ERBB4: variants seen among roughly 807,000 people sequenced by gnomAD.
ERBB4 encodes the protein receptor tyrosine-protein kinase erbB-4.
A neutral mutation model predicts 158.0 loss-of-function variants in ERBB4; 42 were observed. That is an observed-to-expected ratio of 0.27 (90% CI 0.21 to 0.34). ERBB4 has a LOEUF of 0.34. ERBB4 is among the 10% of genes least tolerant of loss of function. ERBB4 has a pLI of 1.00. For synonymous variants in ERBB4, 583 were observed against 558.7 expected (o/e 1.04, Z -0.61); for missense variants, 1,333 against 1,624.1 (o/e 0.82, Z 3.08).
rs71397161 is a variant in ERBB4 at position 212,147,157 on chromosome 2, A to ATTTTTTTTTTTTTTTTT, written c.83-22271_83-22255dup. ...AGGGGCATGCCACCATGCCCAGCTA[A>ATTTTTTTTTTTTTTTTT]TTTTTTTTTTTTTTTTTTTTTTTTT... is the stretch of plus-strand genomic sequence containing the variant. On this transcript the variant is annotated intron_variant, in intron 1 of 27. Coordinates refer to ENST00000342788, the MANE Select transcript of ERBB4 (RefSeq NM_005235.3). Among the ~76,000 whole-genome samples, 3 of 34,260 alleles carry ATTTTTTTTTTTTTTTTT rather than the reference A, an allele frequency of 8.8e-5. 1 individual carries two copies. The highest frequency in any genetic ancestry group is 3.2e-4 in the Admixed American group (1 of 3,086). 22.5% of individuals were successfully genotyped at this position (34,260 alleles called of 152,430 possible).
chr2:212,367,640 G>C (rs1367344694), intron 1 of ERBB4, among the ~76,000 whole-genome samples: 1 of 152,030 alleles, frequency 6.6e-6, no homozygotes, highest in Non-Finnish European at 1.5e-5. Context: ...AGTCAGCAGA[G>C]AAAACAGACA....
At chr2:211,800,772 A>C (rs538013296) in intron 3 of ERBB4, among the ~76,000 whole-genome samples, 3 of 152,228 alleles carry the variant, frequency 2.0e-5, no homozygotes, top group African/African-American at 7.2e-5. Context: ...ATGCAGAGGA[A>C]AAGGCAGCAC....
chr2:211,921,213 C>T (rs899113837), intron 3 of ERBB4, among the ~76,000 whole-genome samples: 2 of 152,128 alleles, frequency 1.3e-5, no homozygotes, highest in Non-Finnish European at 1.5e-5. Flanking sequence ...GATTGAGCTT[C>T]AGTTGTAACA....
intron 1 of ERBB4, among the ~76,000 whole-genome samples, chr2:212,380,321 G>C (rs1337654337): frequency 2.0e-5 from 3 of 151,260 alleles, no homozygotes; most frequent in Non-Finnish European, 4.4e-5. Flanking sequence ...CATTGTATTA[G>C]GTATTACTAG....
intron 5 of ERBB4, among the ~76,000 whole-genome samples, chr2:211,748,940 C>T (rs1202228448): frequency 6.6e-6 from 1 of 152,172 alleles, no homozygotes; most frequent in Non-Finnish European, 1.5e-5. Flanking sequence ...GCCTCCAATT[C>T]TTTGCTATTA....
chr2:212,135,568 A>G (rs2080247141), intron 1 of ERBB4, among the ~76,000 whole-genome samples: 1 of 152,190 alleles, frequency 6.6e-6, no homozygotes, highest in South Asian at 2.1e-4. Flanking sequence ...TGTTGAAAAT[A>G]GGAAAAACAG....
intron 2 of ERBB4, among the ~76,000 whole-genome samples, chr2:212,013,548 G>T (rs762714290): frequency 3.5e-4 from 54 of 152,166 alleles, no homozygotes; most frequent in Admixed American, 2.4e-3. Flanking sequence ...TTAAGATAAG[G>T]TTACAGAGGG....
chr2:211,893,011 A>G lies in ERBB4; in HGVS notation c.421+54419T>C, dbSNP rs1018752921. Among the ~76,000 whole-genome samples the G allele has an allele frequency of 2.0e-4, 29 of 148,178 alleles. 2 individuals are homozygous for G. Among genetic ancestry groups the G allele is most frequent in the African/African-American group, 7.5e-4 (29 of 38,872 alleles). On this transcript the variant is annotated intron_variant, in intron 3 of 27. Transcript: ENST00000342788. ...CAAGGTAATTTACAGATTCAATGCC[A>G]TCCCCATAAAGCTACCAAGACTTTC...
chr2:212,340,082 C>T (rs867786158), intron 1 of ERBB4, among the ~76,000 whole-genome samples: 1 of 149,986 alleles, frequency 6.7e-6, no homozygotes, highest in East Asian at 2.0e-4. Flanking sequence ...TCACTCTGGG[C>T]TGAAGTGCAG....
At chr2:211,629,361 G>A (rs2070005447) in intron 17 of ERBB4, among the ~76,000 whole-genome samples, 1 of 151,480 alleles carries the variant, frequency 6.6e-6, no homozygotes, top group African/African-American at 2.4e-5. Context: ...ACCTCTTCAA[G>A]GAGATCTACA....
At chr2:212,523,185 C>T (rs1692267608) in intron 1 of ERBB4, among the ~76,000 whole-genome samples, 1 of 151,822 alleles carries the variant, frequency 6.6e-6, no homozygotes, top group Admixed American at 6.6e-5. Flanking sequence ...GCCAGGCATG[C>T]ATATGTACAT....
intron 1 of ERBB4, among the ~76,000 whole-genome samples, chr2:212,263,270 GA>G (rs1446065336): frequency 1.3e-5 from 2 of 152,064 alleles, no homozygotes; most frequent in African/African-American, 4.8e-5. Flanking sequence ...CTGGCTTCCA[GA>G]ACTGTGAGAG....
intron 1 of ERBB4, among the ~76,000 whole-genome samples, chr2:212,521,933 C>T (rs1353210929): frequency 1.3e-5 from 2 of 151,808 alleles, no homozygotes; most frequent in Non-Finnish European, 2.9e-5. Context: ...AAGAGTGGCA[C>T]CTATTGTTAA....
intron 2 of ERBB4, among the ~76,000 whole-genome samples, chr2:212,045,075 T>G (rs1471224895): frequency 6.6e-6 from 1 of 152,244 alleles, no homozygotes; most frequent in Non-Finnish European, 1.5e-5. Flanking sequence ...TTATGTTATA[T>G]GAATCTTGCA....
At chr2:212,158,713 G>A (rs1521657) in intron 1 of ERBB4, among the ~76,000 whole-genome samples, 28,765 of 151,708 alleles carry the variant, frequency 0.19, 3,654 homozygotes, top group Non-Finnish European at 0.28. Context: ...TGTCCACCAC[G>A]AGCTAGCCCA....
At chr2:211,528,810 G>C (rs2066418460) in intron 20 of ERBB4, among the ~76,000 whole-genome samples, 1 of 151,760 alleles carries the variant, frequency 6.6e-6, no homozygotes. Flanking sequence ...TGAAAAAAAT[G>C]ATAATGGGAG....
At chr2:212,342,916 T>C in intron 1 of ERBB4, among the ~76,000 whole-genome samples, 1 of 152,166 alleles carries the variant, frequency 6.6e-6, no homozygotes, top group East Asian at 1.9e-4. Flanking sequence ...CATCTTCCAT[T>C]TATGTGTTCT....
chr2:212,286,347 G>A (rs2085961584), intron 1 of ERBB4, among the ~76,000 whole-genome samples: 1 of 152,050 alleles, frequency 6.6e-6, no homozygotes, highest in South Asian at 2.1e-4. Context: ...GAACGAATTT[G>A]AAATTCAGTG....
intron 1 of ERBB4, among the ~76,000 whole-genome samples, chr2:212,354,186 T>C (rs755366523): frequency 3.9e-5 from 6 of 152,128 alleles, no homozygotes; most frequent in Non-Finnish European, 7.4e-5. Context: ...ATCAAAATTA[T>C]ACATAATTAT....
Sources: gnomAD v4.1 joint callset for allele counts (sites outside exome capture counted in the v4.1 genomes callset) on GRCh38, gnomAD v4.1.1 for gene constraint, MANE v1.5 for transcripts, NCBI Gene and HGNC (gene_info 2026-07-23, HGNC 2026-07-21) for gene names.